Variants in LMNTD1 observed in about 807,000 individuals in gnomAD.
LMNTD1 encodes lamin tail domain-containing protein 1.
A neutral mutation model predicts 50.9 loss-of-function variants in LMNTD1; 35 were observed. The ratio of observed to expected loss-of-function variants is 0.69; its 90% CI spans 0.53 to 0.91. LMNTD1 has a LOEUF of 0.91. LMNTD1 is among the 40% of genes least tolerant of loss of function. The pLI is 0.00. For missense variants in LMNTD1, 470 were observed against 475.5 expected, an observed-to-expected ratio of 0.99 and a Z score of 0.11; for synonymous variants, 153 against 161.9, an observed-to-expected ratio of 0.94 and a Z score of 0.42.
chr12:25,494,987 A>C (rs1364650301), intron 9 of LMNTD1, among the ~76,000 whole-genome samples: 2 of 152,104 alleles, frequency 1.3e-5, no homozygotes, highest in African/African-American at 4.8e-5. Flanking sequence ...TTGAGCAACA[A>C]TTGCTGCAAA....
At chr12:25,519,087 T>G in intron 7 of LMNTD1, 120 bp from the exon 8 acceptor site, 1 of 885,668 alleles carries the variant, frequency 1.1e-6, no homozygotes, top group East Asian at 2.6e-5. Context: ...CTTTTTAAAC[T>G]TTGTGGGCAG....
At chr12:25,648,377 T>G (rs1947118166) in intron 1 of LMNTD1, 1 of 781,464 alleles carries the variant, frequency 1.3e-6, no homozygotes, top group Non-Finnish European at 2.2e-6. Context: ...TGTTCTTATA[T>G]CTCAGTGATG....
At chr12:25,591,831 G>GAGAGAGAC (rs1438185187) in intron 1 of LMNTD1, among the ~76,000 whole-genome samples, 3 of 140,450 alleles carry the variant, frequency 2.1e-5, no homozygotes, top group African/African-American at 3.2e-5. Flanking sequence ...GAGAGAGAGA[G>GAGAGAGAC]AGAGAGAGAG....
intron 1 of LMNTD1, among the ~76,000 whole-genome samples, chr12:25,585,512 C>A (rs956306274): frequency 3.3e-5 from 5 of 152,200 alleles, no homozygotes; most frequent in Admixed American, 3.3e-4. Flanking sequence ...TTTTCAGCAA[C>A]CACATGTAGG....
At chr12:25,625,519 C>G (rs1946570353) in intron 1 of LMNTD1, among the ~76,000 whole-genome samples, 1 of 152,088 alleles carries the variant, frequency 6.6e-6, no homozygotes, top group Non-Finnish European at 1.5e-5. Context: ...AATCATGGGT[C>G]CTACACCTCA....
intron 9 of LMNTD1, among the ~76,000 whole-genome samples, chr12:25,496,179 A>C (rs969242497): frequency 9.2e-5 from 14 of 152,034 alleles, no homozygotes; most frequent in Non-Finnish European, 2.1e-4. Context: ...CAAATCTTTG[A>C]GGAAAAGAGG....
chr12:25,546,393 C>A lies in LMNTD1; in HGVS notation c.472G>T (p.Val158Phe). ...ATGTACCTGGAGGTAAATTGGCCAA[C>A]TTCTTCAAGAATCATAGAAAAGTAT... ...LKYFSMILEEVGQFTSSSLGD... is the reference protein window; with the variant it reads ...LKYFSMILEEFGQFTSSSLGD... The change falls in exon 4 of 10, where the codon GTT becomes TTT. Residue 158 changes from valine (V) to phenylalanine (F), a missense_variant. Transcript: ENST00000458174. The A allele has an allele frequency of 6.3e-7, 1 of 1,583,396 alleles. No homozygotes were observed. Among genetic ancestry groups the A allele is most frequent in the South Asian group, 1.2e-5 (1 of 86,228 alleles).
chr12:25,488,608 C>T (rs539321587), intron 9 of LMNTD1, among the ~76,000 whole-genome samples: 1,640 of 150,984 alleles, frequency 0.011, 26 homozygotes, highest in African/African-American at 0.037. Context: ...GTAATTTGAT[C>T]GTCTGAAGCC....
intron 1 of LMNTD1, among the ~76,000 whole-genome samples, chr12:25,562,913 T>G (rs1944397176): frequency 6.6e-6 from 1 of 152,190 alleles, no homozygotes. Context: ...TACCCTTTCT[T>G]CCACTTGATC....
At chr12:25,553,868 G>A (rs540394872), upstream of LMNTD1, among the ~76,000 whole-genome samples, 3 of 152,236 alleles carry the variant, frequency 2.0e-5, no homozygotes, top group Admixed American at 1.3e-4. Flanking sequence ...TACTGGATGA[G>A]TAAGCTTATT....
At position 25,604,454 on chromosome 12, in the gene LMNTD1, C is replaced by T. The variant is rs532281487; in HGVS notation, c.58+44040G>A. 3.3e-5 allele frequency among the ~76,000 whole-genome samples: 5 copies of T among 152,114 alleles called. No homozygotes were observed. The East Asian group carries it at 7.7e-4, about 24-fold the overall frequency. On this transcript the variant is annotated intron_variant, in intron 1 of 7. Transcript: ENST00000445693. ...TGTTGGTGTGCTGCACCCATTAACT[C>T]GTCATTTAGCATTAGGTATATCTCC... is the stretch of plus-strand genomic sequence containing the variant.
intron 9 of LMNTD1, among the ~76,000 whole-genome samples, chr12:25,492,426 C>G (rs1938917706): frequency 1.3e-5 from 2 of 152,104 alleles, no homozygotes; most frequent in African/African-American, 4.8e-5. Context: ...TTGATATTGG[C>G]TTAACACTGA....
At chr12:25,527,659 TA>T (rs1941847285) in intron 4 of LMNTD1, among the ~76,000 whole-genome samples, 2 of 23,984 alleles carry the variant, frequency 8.3e-5, no homozygotes, top group South Asian at 3.4e-3. Flanking sequence ...TATATATATA[TA>T]TATATATATA....
chr12:25,557,706 C>T (rs1592008940), upstream of LMNTD1, among the ~76,000 whole-genome samples: 1 of 152,140 alleles, frequency 6.6e-6, no homozygotes, highest in Non-Finnish European at 1.5e-5. Flanking sequence ...TTCACCTATA[C>T]TCTTTTAATC....
chr12:25,635,572 A>G (rs1946814241), intron 1 of LMNTD1, among the ~76,000 whole-genome samples: 1 of 152,242 alleles, frequency 6.6e-6, no homozygotes, highest in Non-Finnish European at 1.5e-5. Context: ...AAAGCAATCT[A>G]CAAATTCAAG....
chr12:25,635,502 G>A (rs1946811998), intron 1 of LMNTD1, among the ~76,000 whole-genome samples: 1 of 152,056 alleles, frequency 6.6e-6, no homozygotes, highest in Non-Finnish European at 1.5e-5. Context: ...CAAACAAATG[G>A]AAACACTCCC....
chr12:25,531,941 A>T lies in LMNTD1; in HGVS notation c.492-4986T>A, dbSNP rs574383542. Among the ~76,000 whole-genome samples, 3 of 150,266 alleles carry T rather than the reference A, an allele frequency of 2.0e-5. No individual in the cohort carries two copies. In the East Asian group the frequency reaches 6.1e-4, roughly 30 times the overall value. ...ACCTACTGAAATATTAATTTCCGTT[A>T]CTGGATTTTTTTTACTTCTAGAACT... On this transcript the variant is annotated intron_variant, in intron 4 of 9. Coordinates refer to ENST00000458174, the MANE Select transcript of LMNTD1 (RefSeq NM_001145728.2).
At chr12:25,505,193 G>GTT (rs59795018) in intron 8 of LMNTD1, among the ~76,000 whole-genome samples, 1 of 151,060 alleles carries the variant, frequency 6.6e-6, no homozygotes, top group African/African-American at 2.4e-5. Context: ...GCAATTTTGG[G>GTT]TTTTTTTTTG....
At chr12:25,583,456 C>T (rs376955300) in intron 1 of LMNTD1, among the ~76,000 whole-genome samples, 18 of 152,254 alleles carry the variant, frequency 1.2e-4, no homozygotes, top group African/African-American at 4.1e-4. Flanking sequence ...CAGGCAACCA[C>T]ACCTGGCCAA....
Sources: gnomAD v4.1 joint callset for allele counts (sites outside exome capture counted in the v4.1 genomes callset) on GRCh38, gnomAD v4.1.1 for gene constraint, MANE v1.5 for transcripts, NCBI Gene and HGNC (gene_info 2026-07-23, HGNC 2026-07-21) for gene names.